DOK6: variants seen among roughly 807,000 people sequenced by gnomAD.
DOK6 encodes the protein docking protein 6, also known as downstream of tyrosine kinase 6.
In DOK6, 22 loss-of-function variants were observed where a neutral mutation model predicts 44.0. The observed-to-expected ratio is 0.50, with a 90% CI of 0.36 to 0.71. DOK6 has a LOEUF of 0.71. Ranked by LOEUF, DOK6 falls within the 30% of genes least tolerant of loss-of-function variation. The probability of loss-of-function intolerance (pLI) is 0.00; values close to 1 mark genes in which losing one functional copy is unlikely to be tolerated. For synonymous variants in DOK6, 166 were observed against 145.5 expected, an observed-to-expected ratio of 1.14 and a Z score of -1.01; for missense variants, 340 against 416.4, an observed-to-expected ratio of 0.82 and a Z score of 1.60.
chr18:69,719,219 CA>C lies in DOK6; in HGVS notation c.600-19745del, dbSNP rs567088609. On this transcript the variant is annotated intron_variant, in intron 5 of 7. Coordinates refer to ENST00000382713, the MANE Select transcript of DOK6 (RefSeq NM_152721.6). ...GGGTTTTTAAAGAAAATTTGGAGGG[CA>C]GGGGGCTAGGGAATAGGTGCTGCTG... Among the ~76,000 whole-genome samples, 484 of 152,230 alleles carry C rather than the reference CA, an allele frequency of 3.2e-3. 1 individual carries two copies. The highest frequency in any genetic ancestry group is 5.9e-3 in the Non-Finnish European group (402 of 68,018).
chr18:69,515,208 C>G (rs1368651473), intron 1 of DOK6, among the ~76,000 whole-genome samples: 1 of 152,122 alleles, frequency 6.6e-6, no homozygotes, highest in East Asian at 1.9e-4. Flanking sequence ...TCTTCCTAGG[C>G]TTCTTTTAGA....
chr18:69,518,835 T>C (rs1367048537), intron 1 of DOK6, among the ~76,000 whole-genome samples: 1 of 152,136 alleles, frequency 6.6e-6, no homozygotes, highest in Non-Finnish European at 1.5e-5. Flanking sequence ...TGTCTTTAAA[T>C]TATGTATTGA....
intron 1 of DOK6, among the ~76,000 whole-genome samples, chr18:69,495,285 G>A (rs1233139774): frequency 6.6e-6 from 1 of 152,214 alleles, no homozygotes; most frequent in Non-Finnish European, 1.5e-5. Flanking sequence ...CACCTTCAAT[G>A]TGGCGAGCAA....
intron 1 of DOK6, among the ~76,000 whole-genome samples, chr18:69,455,156 C>CAAAA (rs58451274): frequency 1.7e-5 from 2 of 117,426 alleles, no homozygotes; most frequent in African/African-American, 3.2e-5. Flanking sequence ...ATAGCTATAG[C>CAAAA]AAAAAAAAAA....
At chr18:69,531,420 T>C (rs12970631) in intron 1 of DOK6, among the ~76,000 whole-genome samples, 21,437 of 151,566 alleles carry the variant, frequency 0.14, 1,947 homozygotes, top group East Asian at 0.23. Flanking sequence ...ATAATAATTA[T>C]AACTGTCTAG....
At chr18:69,442,153 TCTC>T (rs147727135) in intron 1 of DOK6, among the ~76,000 whole-genome samples, 26,846 of 152,078 alleles carry the variant, frequency 0.18, 2,929 homozygotes, top group Non-Finnish European at 0.25. Context: ...TGCTTAATTC[TCTC>T]TTCTAAAAAT....
chr18:69,617,774 G>A (rs915860237), intron 3 of DOK6, among the ~76,000 whole-genome samples: 3 of 121,946 alleles, frequency 2.5e-5, no homozygotes, highest in Admixed American at 8.7e-5. Flanking sequence ...AGGAAGGAAC[G>A]GAGGGAGGGA....
intron 1 of DOK6, among the ~76,000 whole-genome samples, chr18:69,561,318 C>T (rs186571647): frequency 6.0e-4 from 92 of 152,212 alleles, no homozygotes; most frequent in Non-Finnish European, 1.0e-3. Flanking sequence ...CAAACTGTCT[C>T]TTCTTGATGT....
chr18:69,433,749 A>T (rs1050505602), intron 1 of DOK6, among the ~76,000 whole-genome samples: 8 of 152,218 alleles, frequency 5.3e-5, no homozygotes, highest in Non-Finnish European at 1.0e-4. Flanking sequence ...AAAGAAATGT[A>T]GACTGTTTCC....
chr18:69,827,975 G>T (rs1447571858), intron 7 of DOK6, among the ~76,000 whole-genome samples: 2 of 151,744 alleles, frequency 1.3e-5, no homozygotes, highest in African/African-American at 4.8e-5. Flanking sequence ...TTATTGATTT[G>T]TAGGACATTA....
intron 3 of DOK6, among the ~76,000 whole-genome samples, chr18:69,656,841 T>C (rs974139158): frequency 6.6e-6 from 1 of 152,198 alleles, no homozygotes; most frequent in African/African-American, 2.4e-5. Flanking sequence ...AGCATCAATA[T>C]ACCTGGGAGC....
In DOK6 at chr18:69,693,293, G is replaced by GA. The variant is rs545419321; in HGVS notation, c.410-5105dup. The stretch of plus-strand genomic sequence containing the variant: ...GCAGAGGAAGAAATAGAATACAGTG[G>GA]AAAAAAGTCTTCTTTGAAGAAAAAA... On this transcript the variant is annotated intron_variant, in intron 4 of 7. Transcript: ENST00000382713. Among the ~76,000 whole-genome samples, 93 of 110,990 alleles carry GA rather than the reference G, an allele frequency of 8.4e-4. 1 individual carries two copies. The highest frequency in any genetic ancestry group is 2.9e-3 in the African/African-American group (91 of 30,852). 72.8% of individuals were successfully genotyped at this position (110,990 alleles called of 152,430 possible). A position where few individuals can be genotyped will look rare whatever the true frequency, so the allele number is the denominator to read the frequency against.
At chr18:69,819,265 A>G (rs982554853) in intron 7 of DOK6, among the ~76,000 whole-genome samples, 1 of 152,194 alleles carries the variant, frequency 6.6e-6, no homozygotes, top group East Asian at 1.9e-4. Context: ...CTCTCAATGG[A>G]TGAAGAGTAT....
chr18:69,455,180 GA>G (rs1979598309), intron 1 of DOK6, among the ~76,000 whole-genome samples: 3 of 108,334 alleles, frequency 2.8e-5, no homozygotes, highest in African/African-American at 1.1e-4. Flanking sequence ...AAAAAGAAAA[GA>G]AAAAGAAAAA....
chr18:69,401,770 G>T (rs1333734370), intron 1 of DOK6, among the ~76,000 whole-genome samples: 1 of 152,112 alleles, frequency 6.6e-6, no homozygotes, highest in Admixed American at 6.5e-5. Flanking sequence ...CCCGTCTGAT[G>T]CCCTCCCAGC....
intron 3 of DOK6, among the ~76,000 whole-genome samples, chr18:69,642,237 A>G (rs187463730): frequency 3.9e-5 from 6 of 152,362 alleles, no homozygotes; most frequent in Admixed American, 2.6e-4. Flanking sequence ...TAAATGCAAT[A>G]CCATGATCAC....
intron 1 of DOK6, among the ~76,000 whole-genome samples, chr18:69,544,088 C>A (rs1469884631): frequency 7.5e-6 from 1 of 133,198 alleles, no homozygotes; most frequent in Non-Finnish European, 1.8e-5. Flanking sequence ...GAAACCCTGT[C>A]TCTACTAAAA....
chr18:69,737,332 A>G (rs1017818913), intron 5 of DOK6, among the ~76,000 whole-genome samples: 2 of 152,170 alleles, frequency 1.3e-5, no homozygotes, highest in Admixed American at 6.6e-5. Flanking sequence ...GAGAAGAGCA[A>G]AGGAAGAACT....
chr18:69,569,001 C>T (rs1343839827), intron 2 of DOK6, among the ~76,000 whole-genome samples: 1 of 151,940 alleles, frequency 6.6e-6, no homozygotes, highest in Non-Finnish European at 1.5e-5. Context: ...AAATGAAGTG[C>T]ACAATAAATG....
Sources: allele counts gnomAD v4.1 joint callset (sites outside exome capture counted in the v4.1 genomes callset), GRCh38; gene constraint gnomAD v4.1.1; transcripts MANE v1.5; gene names NCBI Gene and HGNC (gene_info 2026-07-23, HGNC 2026-07-21).